MEX3B: variants seen among roughly 807,000 people sequenced by gnomAD.
The protein encoded by MEX3B is mex-3 RNA binding family member B, also known as RNA-binding protein MEX3B.
Under a neutral mutation model 12.2 loss-of-function variants are expected in MEX3B, and 10 were observed. The observed-to-expected ratio is 0.82, with a 90% CI of 0.51 to 1.40. MEX3B has a LOEUF of 1.40. Among genes scored for constraint, MEX3B ranks in the 40% most tolerant of loss-of-function variants. MEX3B has a pLI of 0.00. For missense variants in MEX3B, 839 were observed against 801.4 expected, an observed-to-expected ratio of 1.05 and a Z score of -0.57; for synonymous variants, 498 against 356.3, an observed-to-expected ratio of 1.40 and a Z score of -4.48.
chr15:82,045,585 G>A lies in MEX3B; in HGVS notation c.121C>T (p.Leu41Phe), dbSNP rs754392934. 5 of 1,610,440 alleles carry A rather than the reference G, an allele frequency of 3.1e-6. No individual in the cohort carries two copies. Among genetic ancestry groups the A allele is most frequent in the Admixed American group, 1.7e-5 (1 of 59,890 alleles). The change falls in exon 1 of 2, where the codon CTC becomes TTC. Residue 41 changes from leucine to phenylalanine, a missense_variant. Leu to Phe is a conservative substitution (Grantham distance 22, BLOSUM62 0). This residue lies in a region of MEX3B where 214 missense variants were observed against 223.8 expected (regional missense o/e 0.96). Transcript: ENST00000329713. ...QRALQLALDQ[L>F]SLLGLDSDEG... is the part of the protein sequence containing the mutation. The stretch of plus-strand genomic sequence containing the variant: ...TCACTGTCCAGCCCCAGCAGGGAGA[G>A]CTGGTCGAGCGCGAGCTGCAGGGCT...
At position 82,043,478 on chromosome 15, in the gene MEX3B, C is replaced by A. The variant is rs201402196; in HGVS notation, c.1392G>T (p.Pro464=). Residue 464 remains proline (P), a synonymous_variant, in exon 2 of 2, where the codon CCG becomes CCT. Coordinates refer to ENST00000329713, the MANE Select transcript of MEX3B (RefSeq NM_032246.6). ...HHLARRVRSD[P]GGGGLAYAAY... ...CGGCGTAGGCCAGGCCTCCTCCACC[C>A]GGGTCGCTGCGCACCCGGCGAGCCA... The A allele has an allele frequency of 2.0e-6, 3 of 1,525,628 alleles. No homozygotes were observed. Among genetic ancestry groups the A allele is most frequent in the Non-Finnish European group, 2.6e-6 (3 of 1,135,972 alleles). 94.5% of individuals were successfully genotyped at this position (1,525,628 alleles called of 1,614,324 possible). A position where few individuals can be genotyped will look rare whatever the true frequency, so the allele number is the denominator to read the frequency against.
chr15:82,045,324 G>C lies in MEX3B; in HGVS notation c.256+126C>G, dbSNP rs570458649. 171 of 1,185,016 alleles carry C rather than the reference G, an allele frequency of 1.4e-4. 1 individual carries two copies. The South Asian group carries it at 2.1e-3, about 14-fold the overall frequency. 73.4% of individuals were successfully genotyped at this position (1,185,016 alleles called of 1,614,324 possible). On this transcript the variant is annotated intron_variant, in intron 1 of 1. Transcript: ENST00000329713. ...TGTCTGGGGCGCCGGCCCATCGCGCGGCTCTTCCTCTCTCCCCAAGGCACC... is the reference window on the plus strand; with the variant it reads ...TGTCTGGGGCGCCGGCCCATCGCGCCGCTCTTCCTCTCTCCCCAAGGCACC...
chr15:82,045,598 G>C lies in MEX3B; in HGVS notation c.108C>G (p.Leu36=), dbSNP rs143263202. 2 of 1,608,552 alleles carry C rather than the reference G, an allele frequency of 1.2e-6. No individual in the cohort carries two copies. The highest frequency in any genetic ancestry group is 1.3e-5 in the African/African-American group (1 of 74,892). ...ETLDDQRALQ[L]ALDQLSLLGL... ...CCAGCAGGGAGAGCTGGTCGAGCGC[G>C]AGCTGCAGGGCTCTTTGGTCATCCA... is the stretch of plus-strand genomic sequence containing the variant. Residue 36 remains leucine (L), a synonymous_variant, in exon 1 of 2, where the codon CTC becomes CTG. Coordinates refer to ENST00000329713, the MANE Select transcript of MEX3B (RefSeq NM_032246.6).
chr15:82,044,458 G>C lies in MEX3B; in HGVS notation c.412C>G (p.Arg138Gly). The part of the protein sequence containing the change: ...ISAAEHFSMI[R>G]ASRNKNTALN... ...GCCGTGTTCTTATTCCGGGAGGCGC[G>C]GATCATGGAGAAGTGCTCGGCAGCA... The change falls in exon 2 of 2, where the codon CGC becomes GGC. Residue 138 changes from arginine (R) to glycine (G), a missense_variant. Arg to Gly is a moderately radical substitution (Grantham distance 125). Around this residue, in one of 3 missense-constraint regions of MEX3B, gnomAD observed 214 missense variants for 223.8 expected, o/e 0.96. Transcript: ENST00000329713. The surrounding 1 kb of genome is among the most constrained non-coding windows in gnomAD (Gnocchi z 5.3). 1 of 1,613,482 alleles carries C rather than the reference G, an allele frequency of 6.2e-7. No individual in the cohort carries two copies. The highest frequency in any genetic ancestry group is 8.5e-7 in the Non-Finnish European group (1 of 1,179,994).
chr15:82,043,362 G>T lies in MEX3B; in HGVS notation c.1508C>A (p.Ser503Tyr). The part of the protein sequence containing the change: ...SSSSSSSSSS[S>Y]SSSSSGLRRK... Reference sequence around the variant, plus strand: ...CCGAAGCCCGGAGGAAGAGGATGAAGAGCTGGAGGAGGAGCTGGACGAAGA... The same window carrying T: ...CCGAAGCCCGGAGGAAGAGGATGAATAGCTGGAGGAGGAGCTGGACGAAGA... The change falls in exon 2 of 2, where the codon TCT (serine) becomes TAT (tyrosine). Residue 503 changes from serine (S) to tyrosine (Y), a missense_variant. Physicochemically the swap from Ser to Tyr is moderately radical, Grantham distance 144 (BLOSUM62 -2). This residue lies in a region of MEX3B where 573 missense variants were observed against 488.9 expected (regional missense o/e 1.17). Transcript: ENST00000329713. The T allele has an allele frequency of 6.3e-7, 1 of 1,590,120 alleles. No homozygotes were observed. Among genetic ancestry groups the T allele is most frequent in the Non-Finnish European group, 8.6e-7 (1 of 1,168,122 alleles).
In MEX3B at chr15:82,044,417, C is replaced by A; in HGVS notation, c.453G>T (p.Val151=). 3 of 1,611,838 alleles carry A rather than the reference C, an allele frequency of 1.9e-6. No homozygotes were observed. Among genetic ancestry groups the A allele is most frequent in the Middle Eastern group, 1.7e-4 (1 of 6,058 alleles). ...RNKNTALNGA[V]PGPPNLPGQT... ...GCCCGGGCAGGTTGGGCGGCCCAGG[C>A]ACCGCGCCGTTGAGTGCCGTGTTCT... Residue 151 remains valine (V), a synonymous_variant, in exon 2 of 2, where the codon GTG becomes GTT. Coordinates refer to ENST00000329713, the MANE Select transcript of MEX3B (RefSeq NM_032246.6). This position sits in a 1 kb window ranked among gnomAD's most constrained non-coding sequence, Gnocchi z 5.3.
Position 82,045,614 on chromosome 15 carries a change from T to C in MEX3B, c.92A>G (p.Gln31Arg). Reference protein sequence around the residue: ...SSGGGETLDDQRALQLALDQL... With the variant: ...SSGGGETLDDRRALQLALDQL... Reference sequence around the variant, plus strand: ...GTCGAGCGCGAGCTGCAGGGCTCTTTGGTCATCCAGGGTCTCTCCCCCTCC... The same window carrying C: ...GTCGAGCGCGAGCTGCAGGGCTCTTCGGTCATCCAGGGTCTCTCCCCCTCC... The change falls in exon 1 of 2, where the codon CAA becomes CGA. Residue 31 changes from glutamine (Q) to arginine (R), a missense_variant. By Grantham distance (43) the Gln-to-Arg change is conservative. Transcript: ENST00000329713. 1.2e-6 allele frequency: 2 copies of C among 1,605,232 alleles called. No homozygotes were observed. Among genetic ancestry groups the C allele is most frequent in the Non-Finnish European group, 1.7e-6 (2 of 1,178,238 alleles).
rs1314364579 is a variant in MEX3B, at chr15:82,043,315, A to C, written c.1555T>G (p.Ser519Ala). ...ATCACTTCGCTCTCGAAGCACACGG[A>C]GCAGTCGCGGCTGCCTTTACGCCGA... ...GLRRKGSRDC[S>A]VCFESEVIAA... Residue 519 changes from serine to alanine, a missense_variant, in exon 2 of 2, where the codon TCC (serine) becomes GCC (alanine). Around this residue, in one of 3 missense-constraint regions of MEX3B, gnomAD observed 573 missense variants for 488.9 expected, o/e 1.17. Coordinates refer to ENST00000329713, the MANE Select transcript of MEX3B (RefSeq NM_032246.6). 13 of 1,609,736 alleles carry C rather than the reference A, an allele frequency of 8.1e-6. No homozygotes were observed. The highest frequency in any genetic ancestry group is 1.1e-5 in the Non-Finnish European group (13 of 1,177,716).
Position 82,042,745 on chromosome 15 carries a change from A to C in MEX3B, c.*415T>G. 1.3e-5 allele frequency: 2 copies of C among 154,076 alleles called. No individual in the cohort carries two copies. The highest frequency in any genetic ancestry group is 2.9e-5 in the Non-Finnish European group (2 of 69,200). The allele number at this position is 154,076 out of a possible 1,614,324, so 9.5% of individuals were successfully genotyped here. On this transcript the variant is annotated 3_prime_UTR_variant, in exon 2 of 2. Coordinates refer to ENST00000329713, the MANE Select transcript of MEX3B (RefSeq NM_032246.6). ...AGTCCACACATCCCATAGCACTACTATCATCTTCATCATAATTATTACTGT... is the reference window on the plus strand; with the variant it reads ...AGTCCACACATCCCATAGCACTACTCTCATCTTCATCATAATTATTACTGT...
Position 82,044,959 on chromosome 15 carries a change from G to A in MEX3B, c.257-346C>T. ...GTCAGCTCTGAAGACACGGGGAAGG[G>A]GCTCGGGGAAGGCAGCTGAAGTCGC... On this transcript the variant is annotated intron_variant, in intron 1 of 1. Transcript: ENST00000329713. The surrounding 1 kb of genome is among the most constrained non-coding windows in gnomAD (Gnocchi z 5.3). The A allele has an allele frequency of 1.7e-6, 1 of 579,002 alleles. No individual in the cohort carries two copies. The allele number at this position is 579,002 out of a possible 1,614,324, so 35.9% of individuals were successfully genotyped here.
rs765302990 is a variant in MEX3B, at chr15:82,043,923, G to A, written c.947C>T (p.Ala316Val). 2 of 1,600,760 alleles carry A rather than the reference G, an allele frequency of 1.2e-6. No homozygotes were observed. The highest frequency in any genetic ancestry group is 8.5e-7 in the Non-Finnish European group (1 of 1,176,354). ...GGCGGGGCTAGGGGGGCTGTAGTCCGCCAGGCGCTGGGTAGCCGCTGCGCT... is the reference window on the plus strand; with the variant it reads ...GGCGGGGCTAGGGGGGCTGTAGTCCACCAGGCGCTGGGTAGCCGCTGCGCT... The part of the protein sequence containing the change: ...SSSAAATQRL[A>V]DYSPPSPALS... Residue 316 changes from alanine to valine, a missense_variant, in exon 2 of 2, where the codon GCG becomes GTG. By Grantham distance (64) the Ala-to-Val change is moderately conservative. Transcript: ENST00000329713.
rs547988041 is a variant in MEX3B, at chr15:82,044,694, G to C, written c.257-81C>G. 2.3e-4 allele frequency: 314 copies of C among 1,384,784 alleles called. 1 individual carries two copies. The African/African-American group carries it at 4.0e-3, about 18-fold the overall frequency. The allele number at this position is 1,384,784 out of a possible 1,614,324, so 85.8% of individuals were successfully genotyped here. On this transcript the variant is annotated intron_variant, in intron 1 of 1. Coordinates refer to ENST00000329713, the MANE Select transcript of MEX3B (RefSeq NM_032246.6). The surrounding 1 kb of genome is among the most constrained non-coding windows in gnomAD (Gnocchi z 5.3). ...TCCTGGGGTAACCGCGGGGACCGGGGACAGCCCGCGTCCAGGACAGCGAGA... is the reference window on the plus strand; with the variant it reads ...TCCTGGGGTAACCGCGGGGACCGGGCACAGCCCGCGTCCAGGACAGCGAGA...
In MEX3B at chr15:82,044,046, G is replaced by A. The variant is rs144427196; in HGVS notation, c.824C>T (p.Thr275Ile). ...GCTAGAGAAAGGCTTGCGGCCGGGG[G>A]TGGGCGTGATGCTGGGGGTGGGCTT... The part of the protein sequence containing the change: ...WSKPTPSITP[T>I]PGRKPFSSYR... The change falls in exon 2 of 2, where the codon ACC (threonine) becomes ATC (isoleucine). Residue 275 changes from threonine to isoleucine, a missense_variant. Coordinates refer to ENST00000329713, the MANE Select transcript of MEX3B (RefSeq NM_032246.6). This position sits in a 1 kb window ranked among gnomAD's most constrained non-coding sequence, Gnocchi z 5.3. 37 of 1,606,958 alleles carry A rather than the reference G, an allele frequency of 2.3e-5. No homozygotes were observed. The Admixed American group carries it at 2.5e-4, about 11-fold the overall frequency.
At position 82,044,835 on chromosome 15, in the gene MEX3B, C is replaced by T. The variant is rs977536308; in HGVS notation, c.257-222G>A. 2 of 602,434 alleles carry T rather than the reference C, an allele frequency of 3.3e-6. No homozygotes were observed. Among genetic ancestry groups the T allele is most frequent in the Non-Finnish European group, 5.9e-6 (2 of 339,248 alleles). 37.3% of individuals were successfully genotyped at this position (602,434 alleles called of 1,614,324 possible). On this transcript the variant is annotated intron_variant, in intron 1 of 1. Coordinates refer to ENST00000329713, the MANE Select transcript of MEX3B (RefSeq NM_032246.6). The surrounding 1 kb of genome is among the most constrained non-coding windows in gnomAD (Gnocchi z 5.3). Reference sequence around the variant, plus strand: ...CGCTCGAGGAACAGCCCATTGGCTGCCTGGCCCTCCCCCAGTGACTGCAGT... The same window carrying T: ...CGCTCGAGGAACAGCCCATTGGCTGTCTGGCCCTCCCCCAGTGACTGCAGT...
Position 82,044,099 on chromosome 15 carries a change from G to A in MEX3B, c.771C>T (p.Gly257=). The A allele has an allele frequency of 6.2e-7, 1 of 1,612,226 alleles. No homozygotes were observed. Among genetic ancestry groups the A allele is most frequent in the South Asian group, 1.1e-5 (1 of 91,024 alleles). ...DVGFDLHHGS[G]GSGPGSLWSK... ...TCCAGAGGCTGCCTGGGCCGGACCC[G>A]CCGGACCCATGATGCAGATCGAAGC... Residue 257 remains glycine (G), a synonymous_variant, in exon 2 of 2, where the codon GGC becomes GGT. Transcript: ENST00000329713. This position sits in a 1 kb window ranked among gnomAD's most constrained non-coding sequence, Gnocchi z 5.3.
rs1207766242 is a variant in MEX3B at position 82,043,626 on chromosome 15, C to G, written c.1244G>C (p.Gly415Ala). ...GTTGGCGTTGGAGGGCGCACTGGCG[C>G]CACCCCCGGGGAAGACCACGGAGGA... Reference protein sequence around the residue: ...SSSSVVFPGGGASAPSNANLG... With the variant: ...SSSSVVFPGGAASAPSNANLG... Residue 415 changes from glycine (G) to alanine (A), a missense_variant, in exon 2 of 2, where the codon GGC becomes GCC. Transcript: ENST00000329713. 6 of 1,603,900 alleles carry G rather than the reference C, an allele frequency of 3.7e-6. No homozygotes were observed. The South Asian group carries it at 6.7e-5, about 18-fold the overall frequency.
rs1032379060 is a variant in MEX3B, at chr15:82,045,873, G to C, written c.-168C>G. On this transcript the variant is annotated 5_prime_UTR_variant, in exon 1 of 2. Coordinates refer to ENST00000329713, the MANE Select transcript of MEX3B (RefSeq NM_032246.6). ...TGGGAGGAGTGGGTCGCTCCGTGCG[G>C]TCCGCACCGGGCAGTGGCTGCAGGA... 2 of 706,722 alleles carry C rather than the reference G, an allele frequency of 2.8e-6. No individual in the cohort carries two copies. The highest frequency in any genetic ancestry group is 4.7e-5 in the South Asian group (1 of 21,246). 43.8% of individuals were successfully genotyped at this position (706,722 alleles called of 1,614,324 possible).
In MEX3B at chr15:82,042,438, A is replaced by G. The variant is rs1293015371; in HGVS notation, c.*722T>C. 6.6e-6 allele frequency: 1 copy of G among 152,646 alleles called. No homozygotes were observed. Among genetic ancestry groups the G allele is most frequent in the Non-Finnish European group, 1.5e-5 (1 of 68,048 alleles). The allele number at this position is 152,646 out of a possible 1,614,324, so 9.5% of individuals were successfully genotyped here. A position where few individuals can be genotyped will look rare whatever the true frequency, so the allele number is the denominator to read the frequency against. On this transcript the variant is annotated 3_prime_UTR_variant, in exon 2 of 2. Transcript: ENST00000329713. ...ACCCAGCTACAAAAAAGTTCACTGA[A>G]CTTAAATTAAAATACTTGTAAACAT... is the stretch of plus-strand genomic sequence containing the variant.
In MEX3B at chr15:82,044,324, T is replaced by G. The variant is rs1596006868; in HGVS notation, c.546A>C (p.Thr182=). ...VGLVVGPKGA[T]IKRIQQQTHT... is the part of the protein sequence containing the mutation. ...GCGTCTGCTGCTGGATGCGCTTGAT[T>G]GTGGCGCCTTTGGGCCCCACCACGA... Residue 182 remains threonine (T), a synonymous_variant, in exon 2 of 2, where the codon ACA becomes ACC. Coordinates refer to ENST00000329713, the MANE Select transcript of MEX3B (RefSeq NM_032246.6). This position sits in a 1 kb window ranked among gnomAD's most constrained non-coding sequence, Gnocchi z 5.3. The G allele has an allele frequency of 1.2e-6, 2 of 1,612,908 alleles. No homozygotes were observed. Among genetic ancestry groups the G allele is most frequent in the East Asian group, 4.5e-5 (2 of 44,854 alleles).
Sources: allele counts gnomAD v4.1 joint callset, GRCh38; gene constraint gnomAD v4.1.1; regional missense constraint gnomAD v4.1.1; non-coding constraint Gnocchi (gnomAD v3.1); transcripts MANE v1.5; gene names NCBI Gene and HGNC (gene_info 2026-07-23, HGNC 2026-07-21).